Variants in ACSL6 observed in about 807,000 individuals in gnomAD.
The protein encoded by ACSL6 is acyl-CoA synthetase long chain family member 6.
ACSL6 carries 47 observed loss-of-function variants against 98.2 expected under a neutral mutation model. That is an observed-to-expected ratio of 0.48 (90% CI 0.38 to 0.61). The LOEUF is 0.61. Among genes scored for constraint, ACSL6 ranks in the 20% least tolerant of loss-of-function variants. The pLI, the probability that ACSL6 is intolerant of heterozygous loss-of-function variation, is 0.00. For missense variants in ACSL6, 761 were observed against 913.4 expected, an observed-to-expected ratio of 0.83 and a Z score of 2.15; for synonymous variants, 362 against 336.9, an observed-to-expected ratio of 1.07 and a Z score of -0.82.
At chr5:132,002,676 G>T (rs545057397) in intron 1 of ACSL6, among the ~76,000 whole-genome samples, 1 of 152,292 alleles carries the variant, frequency 6.6e-6, no homozygotes, top group South Asian at 2.1e-4. Flanking sequence ...CGAGCTGGGT[G>T]GGAAAGGGTA....
chr5:131,990,308 A>G (rs1004039589), intron 3 of ACSL6, 144 bp from the exon 4 acceptor site: 4 of 750,478 alleles, frequency 5.3e-6, no homozygotes, highest in Non-Finnish European at 8.9e-6. Flanking sequence ...ACTGCCAGCT[A>G]CCTGTCTAAT....
intron 7 of ACSL6, among the ~76,000 whole-genome samples, chr5:131,987,114 C>A (rs1357881938): frequency 2.6e-5 from 4 of 152,170 alleles, no homozygotes; most frequent in Non-Finnish European, 4.4e-5. Flanking sequence ...CCTCAGTGGC[C>A]TCTTCTCAGA....
At chr5:131,955,413 T>C (rs954934120) in intron 20 of ACSL6, among the ~76,000 whole-genome samples, 4 of 152,238 alleles carry the variant, frequency 2.6e-5, no homozygotes, top group African/African-American at 9.6e-5. Context: ...TTTTTCCTAA[T>C]TTGTTGTTAC....
chr5:131,974,640 T>C (rs1753516558), intron 11 of ACSL6: 5 of 1,171,004 alleles, frequency 4.3e-6, no homozygotes, highest in Non-Finnish European at 2.5e-6. Flanking sequence ...CTGACCCCTA[T>C]GGTACCTTCT....
At chr5:131,995,896 G>C (rs1015463356) in intron 1 of ACSL6, among the ~76,000 whole-genome samples, 1 of 152,216 alleles carries the variant, frequency 6.6e-6, no homozygotes, top group Non-Finnish European at 1.5e-5. Context: ...ATATTCAGAG[G>C]ACTAAAGAGA....
At chr5:132,004,060 T>C (rs1343309289) in intron 1 of ACSL6, among the ~76,000 whole-genome samples, 1 of 152,116 alleles carries the variant, frequency 6.6e-6, no homozygotes, top group Admixed American at 6.5e-5. Flanking sequence ...GGAGGGCACG[T>C]GTGTCCTCTG....
intron 7 of ACSL6, among the ~76,000 whole-genome samples, chr5:131,987,091 A>G (rs900809398): frequency 3.9e-5 from 6 of 152,200 alleles, no homozygotes; most frequent in Non-Finnish European, 8.8e-5. Context: ...TGAGATGGTC[A>G]TGGCAGACAT....
At chr5:131,977,668 G>A (rs191012338) in intron 9 of ACSL6, among the ~76,000 whole-genome samples, 4 of 152,232 alleles carry the variant, frequency 2.6e-5, no homozygotes, top group Admixed American at 2.0e-4. Flanking sequence ...TAAATCAGAC[G>A]TTTCCACTGA....
At chr5:131,967,891 C>T in intron 16 of ACSL6, 49 bp downstream of exon 16, 1 of 1,530,668 alleles carries the variant, frequency 6.5e-7, no homozygotes, top group Admixed American at 1.7e-5. Flanking sequence ...CTTGTTTTTA[C>T]TCACTACATG....
intron 3 of ACSL6, 47 bp downstream of exon 3, chr5:131,990,805 AC>A: frequency 6.5e-7 from 1 of 1,549,070 alleles, no homozygotes; most frequent in East Asian, 2.3e-5. Context: ...CACCCACTCC[AC>A]CCCTGCCACA....
chr5:131,986,973 CCACACACTCACA>C (rs56111108), intron 7 of ACSL6, 119 bp from the exon 8 acceptor site: 560,349 of 807,832 alleles, frequency 0.69, 200,785 homozygotes, highest in Non-Finnish European at 0.77. Flanking sequence ...ACACACATAC[CCACACACTCACA>C]CACACACACA....
intron 3 of ACSL6, 109 bp downstream of exon 3, chr5:131,990,744 G>T: frequency 2.0e-6 from 2 of 978,082 alleles, no homozygotes; most frequent in East Asian, 2.5e-5. Flanking sequence ...CTGAACCTGG[G>T]GATAGCTCAC....
At chr5:131,975,280 A>C (rs912835097) in intron 10 of ACSL6, 2 of 1,228,426 alleles carry the variant, frequency 1.6e-6, no homozygotes, top group African/African-American at 3.1e-5. Flanking sequence ...AATGAAGCAC[A>C]CAGAAACCAG....
At chr5:131,975,698 G>T (rs1753577217) in intron 10 of ACSL6, 1 of 985,378 alleles carries the variant, frequency 1.0e-6, no homozygotes, top group Non-Finnish European at 1.2e-6. Flanking sequence ...TCACAGATGG[G>T]ACTGACCCTA....
chr5:131,988,316 C>T (rs1050974891), intron 6 of ACSL6, 90 bp from the exon 7 acceptor site: 1 of 1,463,002 alleles, frequency 6.8e-7, no homozygotes, highest in African/African-American at 1.4e-5. Flanking sequence ...CCAGGCAGCA[C>T]TTCCATGGTC....
chr5:131,961,569 C>T (rs1020109264), intron 18 of ACSL6, among the ~76,000 whole-genome samples: 19 of 151,518 alleles, frequency 1.3e-4, no homozygotes, highest in Middle Eastern at 3.4e-3. Flanking sequence ...TGGTGGTGGG[C>T]GCCTGTAGTC....
intron 1 of ACSL6, among the ~76,000 whole-genome samples, chr5:132,001,370 T>C (rs1042690455): frequency 2.4e-4 from 36 of 152,282 alleles, no homozygotes; most frequent in African/African-American, 8.7e-4. Flanking sequence ...ACCTGCCCTC[T>C]CCACACAGGG....
chr5:132,008,712 T>C (rs1228675407), intron 1 of ACSL6, among the ~76,000 whole-genome samples: 1 of 152,240 alleles, frequency 6.6e-6, no homozygotes, highest in African/African-American at 2.4e-5. Context: ...TCTGCTAGTC[T>C]GGCTTCCTCC....
rs1277445684 is a variant in ACSL6, at chr5:131,976,740, A to C, written c.917-19T>G. On this transcript the variant is annotated intron_variant, in intron 9 of 20. Coordinates refer to ENST00000651883, the MANE Select transcript of ACSL6 (RefSeq NM_001009185.3). ...GGGTTCCCTATAAAAAGAAAGCAAG[A>C]AGTCAAATTAGTTGGAAACTCAAGG... The C allele has an allele frequency of 3.1e-6, 5 of 1,612,630 alleles. No individual in the cohort carries two copies. Among genetic ancestry groups the C allele is most frequent in the Non-Finnish European group, 4.2e-6 (5 of 1,178,684 alleles).
Sources: allele counts gnomAD v4.1 joint callset (sites outside exome capture counted in the v4.1 genomes callset), GRCh38; gene constraint gnomAD v4.1.1; transcripts MANE v1.5; gene names NCBI Gene and HGNC (gene_info 2026-07-23, HGNC 2026-07-21).